ALCAM: variants seen among roughly 807,000 people sequenced by gnomAD.
ALCAM encodes CD166 antigen.
ALCAM carries 30 observed loss-of-function variants against 70.9 expected under a neutral mutation model. That is an observed-to-expected ratio of 0.42 (90% confidence interval 0.32 to 0.57). The LOEUF is 0.57. Among genes scored for constraint, ALCAM ranks in the 20% least tolerant of loss-of-function variants. The pLI is 0.11. For missense variants in ALCAM, 591 were observed against 695.1 expected (o/e 0.85, Z 1.68); for synonymous variants, 249 against 242.5 (o/e 1.03, Z -0.25).
chr3:105,445,579 A>G (rs945757223), intron 1 of ALCAM, among the ~76,000 whole-genome samples: 1 of 152,198 alleles, frequency 6.6e-6, no homozygotes, highest in East Asian at 1.9e-4. Context: ...ATTTCAAAAT[A>G]CACTACAAAG....
At chr3:105,453,735 C>T (rs924569164) in intron 1 of ALCAM, among the ~76,000 whole-genome samples, 3 of 152,168 alleles carry the variant, frequency 2.0e-5, no homozygotes, top group African/African-American at 4.8e-5. Flanking sequence ...TTTGCATCCT[C>T]TCTTATTTCC....
chr3:105,434,790 C>A (rs1210298141), intron 1 of ALCAM, among the ~76,000 whole-genome samples: 1 of 152,074 alleles, frequency 6.6e-6, no homozygotes, highest in Admixed American at 6.5e-5. Context: ...CTCGTGAAAT[C>A]ATTGTTTAAA....
At chr3:105,523,139 CAAAAAAAAAAAAA>C (rs59478384) in intron 2 of ALCAM, among the ~76,000 whole-genome samples, 158 of 87,032 alleles carry the variant, frequency 1.8e-3, no homozygotes, top group African/African-American at 7.2e-3. Context: ...GACTCCGTCT[CAAAAAAAAAAAAA>C]AAAAAAAAAA....
intron 1 of ALCAM, among the ~76,000 whole-genome samples, chr3:105,504,752 T>C (rs1576207146): frequency 6.6e-6 from 1 of 151,726 alleles, no homozygotes; most frequent in South Asian, 2.1e-4. Context: ...CAGGCCAGGG[T>C]GGTCTTGGGA....
chr3:105,511,955 A>C (rs1490682718), intron 1 of ALCAM, among the ~76,000 whole-genome samples: 4 of 151,974 alleles, frequency 2.6e-5, no homozygotes, highest in Non-Finnish European at 5.9e-5. Flanking sequence ...GCATTTTCTA[A>C]GTCTGTAATT....
chr3:105,501,346 G>A (rs1938914544), intron 1 of ALCAM, among the ~76,000 whole-genome samples: 1 of 152,194 alleles, frequency 6.6e-6, no homozygotes, highest in Non-Finnish European at 1.5e-5. Flanking sequence ...TTATAGCATA[G>A]TATGTGCTTA....
intron 9 of ALCAM, 130 bp downstream of exon 9, chr3:105,545,465 G>C (rs1940223726): frequency 5.3e-6 from 3 of 569,094 alleles, no homozygotes; most frequent in South Asian, 4.2e-5. Context: ...CTCTCTCTCT[G>C]TTTCTGATAA....
At chr3:105,567,794 T>C (rs1940776330) in intron 14 of ALCAM, among the ~76,000 whole-genome samples, 1 of 152,140 alleles carries the variant, frequency 6.6e-6, no homozygotes, top group Admixed American at 6.5e-5. Context: ...CCCTGGACTT[T>C]GTGTTACATT....
chr3:105,520,020 GTTCTCTCTCTCT>G (rs1939489425), intron 1 of ALCAM, 35 bp from the exon 2 acceptor site: 3 of 1,290,868 alleles, frequency 2.3e-6, no homozygotes, highest in Non-Finnish European at 3.3e-6. Flanking sequence ...TTAAAATTTT[GTTCTCTCTCTCT>G]TTCTCTCTTC....
intron 1 of ALCAM, among the ~76,000 whole-genome samples, chr3:105,418,467 T>A (rs1936561633): frequency 6.6e-6 from 1 of 151,778 alleles, no homozygotes; most frequent in Non-Finnish European, 1.5e-5. Flanking sequence ...ATGTGCCTCT[T>A]TCAATCAGTT....
chr3:105,559,917 G>A (rs554924752), intron 14 of ALCAM, among the ~76,000 whole-genome samples: 1 of 152,168 alleles, frequency 6.6e-6, no homozygotes, highest in South Asian at 2.1e-4. Flanking sequence ...ATTGCTGATA[G>A]TGTTTAATCA....
intron 1 of ALCAM, among the ~76,000 whole-genome samples, chr3:105,367,773 G>A (rs1935105000): frequency 6.6e-6 from 1 of 152,222 alleles, no homozygotes; most frequent in African/African-American, 2.4e-5. Flanking sequence ...TGTCCCTGCG[G>A]CTCCCAGCTA....
At chr3:105,444,019 A>G (rs987666491) in intron 1 of ALCAM, among the ~76,000 whole-genome samples, 1 of 152,184 alleles carries the variant, frequency 6.6e-6, no homozygotes, top group African/African-American at 2.4e-5. Context: ...AATAACAGTA[A>G]CCACCTCTAA....
intron 1 of ALCAM, among the ~76,000 whole-genome samples, chr3:105,427,155 G>A (rs1936810495): frequency 6.6e-6 from 1 of 151,892 alleles, no homozygotes; most frequent in African/African-American, 2.4e-5. Context: ...TGAAAATGGA[G>A]AGAAAGAAAA....
At chr3:105,517,102 C>T (rs954027910) in intron 1 of ALCAM, among the ~76,000 whole-genome samples, 5 of 151,960 alleles carry the variant, frequency 3.3e-5, no homozygotes, top group Non-Finnish European at 7.4e-5. Context: ...GAAATTAGGA[C>T]GTAATTTATC....
chr3:105,419,526 A>G lies in ALCAM; in HGVS notation c.73+52045A>G, dbSNP rs148921301. ...TGGTAGAGGTGATACGCCAAACTGC[A>G]TTGCAGAGAACATAGCAACTGCACG... On this transcript the variant is annotated intron_variant, in intron 1 of 15. Transcript: ENST00000306107. 2.9e-3 allele frequency among the ~76,000 whole-genome samples: 446 copies of G among 151,944 alleles called. 1 individual carries two copies. The highest frequency in any genetic ancestry group is 4.7e-3 in the Non-Finnish European group (322 of 67,828).
chr3:105,468,741 T>A (rs1389654818), intron 1 of ALCAM, among the ~76,000 whole-genome samples: 1 of 151,304 alleles, frequency 6.6e-6, no homozygotes, highest in Non-Finnish European at 1.5e-5. Context: ...TTTTGTGGTG[T>A]GTTTGTATTT....
intron 1 of ALCAM, among the ~76,000 whole-genome samples, chr3:105,389,666 T>C (rs1228711470): frequency 2.6e-5 from 4 of 151,598 alleles, no homozygotes; most frequent in African/African-American, 9.7e-5. Context: ...GGTGATTTGC[T>C]GCACCTATCA....
intron 9 of ALCAM, among the ~76,000 whole-genome samples, chr3:105,546,125 C>T (rs1205913783): frequency 6.6e-6 from 1 of 151,310 alleles, no homozygotes; most frequent in Non-Finnish European, 1.5e-5. Flanking sequence ...GCGATCCCTC[C>T]ACTTAAACCC....
Sources: gnomAD v4.1 joint callset for allele counts (sites outside exome capture counted in the v4.1 genomes callset) on GRCh38, gnomAD v4.1.1 for gene constraint, MANE v1.5 for transcripts, NCBI Gene and HGNC (gene_info 2026-07-23, HGNC 2026-07-21) for gene names.